The following OGG1 variants were observed in gnomAD, a reference collection of about 807,000 sequenced individuals.
The protein encoded by OGG1 is N-glycosylase/DNA lyase.
In OGG1, 35 loss-of-function variants were observed where a neutral mutation model predicts 42.3. That is an observed-to-expected ratio of 0.83 (90% CI 0.63 to 1.10). The LOEUF is 1.10. Ranked by LOEUF, OGG1 falls within the 50% of genes least tolerant of loss-of-function variation. The pLI, the probability that OGG1 is intolerant of heterozygous loss-of-function variation, is 0.00. For synonymous variants in OGG1, 189 were observed against 179.0 expected, an observed-to-expected ratio of 1.06 and a Z score of -0.44; for missense variants, 484 against 446.7, an observed-to-expected ratio of 1.08 and a Z score of -0.75.
exon 8 of OGG1, chr3:9,766,619 T>A: frequency 9.6e-7 from 1 of 1,042,554 alleles, no homozygotes; most frequent in Non-Finnish European, 1.2e-6. Flanking sequence ...AACAGGTTCT[T>A]AAAAAGGAAC....
In OGG1 at chr3:9,751,127, C is replaced by T. The variant is rs779287100; in HGVS notation, c.320C>T (p.Ala107Val). Reference sequence around the variant, plus strand: ...TACTTCCAGCTAGATGTTACCCTGGCTCAACTGTATCACCACTGGGGTTCC... The same window carrying T: ...TACTTCCAGCTAGATGTTACCCTGGTTCAACTGTATCACCACTGGGGTTCC... ...RKYFQLDVTL[A>V]QLYHHWGSVD... Residue 107 changes from alanine to valine, a missense_variant, in exon 2 of 7, where the codon GCT (alanine) becomes GTT (valine). Transcript: ENST00000344629. 3.1e-6 allele frequency: 5 copies of T among 1,614,042 alleles called. No homozygotes were observed. In the African/African-American group the frequency reaches 5.3e-5, roughly 17 times the overall value.
downstream of OGG1, among the ~76,000 whole-genome samples, chr3:9,771,423 G>A (rs1308636061): frequency 6.6e-6 from 1 of 152,110 alleles, no homozygotes; most frequent in African/African-American, 2.4e-5. Flanking sequence ...TTACCTCTCC[G>A]AACCTCAGTT....
chr3:9,764,973 G>T (rs73021455), intron 7 of OGG1, among the ~76,000 whole-genome samples: 31,426 of 151,820 alleles, frequency 0.21, 3,716 homozygotes, highest in East Asian at 0.55. Flanking sequence ...GGTGGCTCAT[G>T]CCTAGCACTT....
chr3:9,771,402 C>T (rs1211013099), downstream of OGG1, among the ~76,000 whole-genome samples: 2 of 152,176 alleles, frequency 1.3e-5, no homozygotes, highest in African/African-American at 2.4e-5. Context: ...CTAACTGATC[C>T]TGGTCATGCT....
chr3:9,780,502 C>T lies in OGG1; in HGVS notation c.295-1011C>T, dbSNP rs776473686. The T allele has an allele frequency of 1.7e-5, 27 of 1,608,436 alleles. No individual in the cohort carries two copies. In the Admixed American group the frequency reaches 2.8e-4, roughly 17 times the overall value. On this transcript the variant is annotated intron_variant, in intron 2 of 3. Transcript: ENST00000426518. ...GTCCATGACCTCGTTGTCAGCCATG[C>T]GCACCCGCTGCCTCAGCTCCTGCCG...
intron 2 of OGG1, among the ~76,000 whole-genome samples, chr3:9,773,498 G>A (rs916708732): frequency 1.6e-4 from 25 of 152,108 alleles, no homozygotes; most frequent in African/African-American, 3.4e-4. Flanking sequence ...CAGAGACCAC[G>A]CGCCACTGCA....
intron 7 of OGG1, among the ~76,000 whole-genome samples, chr3:9,762,484 C>T (rs973973529): frequency 8.5e-5 from 13 of 152,172 alleles, no homozygotes; most frequent in African/African-American, 2.7e-4. Flanking sequence ...CCAAGTGATT[C>T]GCCTGCCTCA....
chr3:9,759,274 T>C (rs2077734115), downstream of OGG1: 1 of 1,613,318 alleles, frequency 6.2e-7, no homozygotes, highest in African/African-American at 1.3e-5. Flanking sequence ...GACTTCTTCC[T>C]CTAGACTTGG....
In OGG1 at chr3:9,754,722, A is replaced by C; in HGVS notation, c.584A>C (p.His195Pro). ...CCCGCAGGGCCAGAGGTGGAGGCTCATCTCAGGAAGCTGGGCCTGGGCTAT... is the reference window on the plus strand; with the variant it reads ...CCCGCAGGGCCAGAGGTGGAGGCTCCTCTCAGGAAGCTGGGCCTGGGCTAT... ...QALAGPEVEA[H>P]LRKLGLGYRA... Residue 195 changes from histidine to proline, a missense_variant, in exon 4 of 7, where the codon CAT (histidine) becomes CCT (proline). Coordinates refer to ENST00000344629, the MANE Select transcript of OGG1 (RefSeq NM_002542.6). The C allele has an allele frequency of 2.5e-6, 4 of 1,614,144 alleles. No homozygotes were observed. The highest frequency in any genetic ancestry group is 3.4e-6 in the Non-Finnish European group (4 of 1,180,020).
At chr3:9,774,408 CAA>C (rs35674476) in intron 2 of OGG1, among the ~76,000 whole-genome samples, 74 of 117,128 alleles carry the variant, frequency 6.3e-4, no homozygotes, top group African/African-American at 1.9e-3. Flanking sequence ...GACTCTGTCT[CAA>C]AAAAAAAAAA....
chr3:9,786,167 C>T (rs1037997864), intron 3 of OGG1, among the ~76,000 whole-genome samples: 3 of 152,092 alleles, frequency 2.0e-5, no homozygotes, highest in African/African-American at 7.2e-5. Flanking sequence ...TCTCGATCTC[C>T]TGACCTTGTG....
chr3:9,783,777 C>CAAA, intron 3 of OGG1: 2 of 557,626 alleles, frequency 3.6e-6, no homozygotes, highest in South Asian at 3.4e-5. Flanking sequence ...GACTCCCTCT[C>CAAA]AAAAAAAAAC....
downstream of OGG1, chr3:9,758,787 G>C (rs540572867): frequency 8.0e-6 from 2 of 251,026 alleles, no homozygotes; most frequent in South Asian, 9.2e-5. Context: ...GCACCACCAT[G>C]TGTGGCTAAT....
chr3:9,754,598 G>T, intron 3 of OGG1, 106 bp from the exon 4 acceptor site: 1 of 1,246,710 alleles, frequency 8.0e-7, no homozygotes, highest in Middle Eastern at 1.8e-4. Flanking sequence ...GGTAGGAGGG[G>T]AACTTAGGAA....
rs774926296 is a variant in OGG1, at chr3:9,757,180, A to C, written c.*30A>C. On this transcript the variant is annotated 3_prime_UTR_variant, in exon 7 of 7. Transcript: ENST00000344629. This position sits in a 1 kb window ranked among gnomAD's most constrained non-coding sequence, Gnocchi z 4.5. ...GGCACCCTGGACAAAGAAATTCCCCAAGCACCTTCCCCTCCATTCCCCACT... is the reference window on the plus strand; with the variant it reads ...GGCACCCTGGACAAAGAAATTCCCCCAGCACCTTCCCCTCCATTCCCCACT... 9 of 1,613,690 alleles carry C rather than the reference A, an allele frequency of 5.6e-6. No individual in the cohort carries two copies. In the Admixed American group the frequency reaches 1.5e-4, roughly 27 times the overall value.
chr3:9,761,314 A>C (rs2077857628), downstream of OGG1: 2 of 780,538 alleles, frequency 2.6e-6, no homozygotes, highest in Admixed American at 5.8e-5. Context: ...GTATCTATTG[A>C]ATGAAGTAAT....
At chr3:9,753,527 G>A (rs1406877860) in intron 3 of OGG1, among the ~76,000 whole-genome samples, 3 of 150,876 alleles carry the variant, frequency 2.0e-5, no homozygotes, top group East Asian at 2.0e-4. Context: ...GGTGGTGGGC[G>A]CCTGTAGTCC....
chr3:9,752,072 C>T (rs751080565), intron 3 of OGG1, 123 bp downstream of exon 3: 2 of 864,088 alleles, frequency 2.3e-6, no homozygotes, highest in South Asian at 1.4e-5. Context: ...CAGAACCGCC[C>T]TGCCTGGTCT....
downstream of OGG1, chr3:9,761,042 A>G (rs1167194572): frequency 2.3e-6 from 1 of 429,234 alleles, no homozygotes; most frequent in Non-Finnish European, 4.2e-6. Flanking sequence ...TGGCTCCCTC[A>G]CCACTCGGTC....
Sources: allele counts gnomAD v4.1 joint callset (sites outside exome capture counted in the v4.1 genomes callset), GRCh38; gene constraint gnomAD v4.1.1; non-coding constraint Gnocchi (gnomAD v3.1); transcripts MANE v1.5; gene names NCBI Gene and HGNC (gene_info 2026-07-23, HGNC 2026-07-21).